POLQ: variants seen among roughly 807,000 people sequenced by gnomAD.
POLQ encodes DNA polymerase theta.
A neutral mutation model predicts 259.2 loss-of-function variants in POLQ; 233 were observed. The observed-to-expected ratio is 0.90, with a 90% CI of 0.81 to 1.00. The LOEUF is 1.00. Ranked by LOEUF, POLQ falls within the 50% of genes least tolerant of loss-of-function variation. POLQ has a pLI of 0.00. For synonymous variants in POLQ, 1,025 were observed against 1,048.8 expected (o/e 0.98, Z 0.44); for missense variants, 2,871 against 3,051.6 (o/e 0.94, Z 1.39).
chr3:121,487,216 A>G (rs570291268), intron 16 of POLQ, 86 bp downstream of exon 16: 2 of 708,514 alleles, frequency 2.8e-6, no homozygotes, highest in South Asian at 4.3e-5. Context: ...ATTATATTTA[A>G]TATCTAACAT....
chr3:121,542,058 C>T (rs1235125669), intron 2 of POLQ, among the ~76,000 whole-genome samples: 2 of 151,566 alleles, frequency 1.3e-5, no homozygotes, highest in South Asian at 2.1e-4. Flanking sequence ...ATTGCTTGAT[C>T]CTGGGAGGCA....
In POLQ at chr3:121,507,125, G is replaced by A. The variant is rs371022064; in HGVS notation, c.1959+2436C>T. Among the ~76,000 whole-genome samples the A allele has an allele frequency of 6.6e-5, 10 of 152,274 alleles. No individual in the cohort carries two copies. In the South Asian group the frequency reaches 1.5e-3, roughly 22 times the overall value. On this transcript the variant is annotated intron_variant, in intron 12 of 29. Coordinates refer to ENST00000264233, the MANE Select transcript of POLQ (RefSeq NM_199420.4). ...AAACAGTCATCTATGAAAGGTAGGT[G>A]GAAAAGGCATGGAAGGGATGGATAT... is the stretch of plus-strand genomic sequence containing the variant.
Position 121,532,978 on chromosome 3 carries a change from A to ATATT in POLQ, c.960+8_960+11dup. ...AGATAAAAATAGTAGTGATGTACATATATTGATTTACCTTCACTTGTAGCA... is the reference window on the plus strand; with the variant it reads ...AGATAAAAATAGTAGTGATGTACATATATTTATTGATTTACCTTCACTTGTAGCA... On this transcript the variant is annotated intron_variant, in intron 6 of 29. Transcript: ENST00000264233. 1 of 1,488,770 alleles carries ATATT rather than the reference A, an allele frequency of 6.7e-7. No homozygotes were observed. The highest frequency in any genetic ancestry group is 9.3e-7 in the Non-Finnish European group (1 of 1,074,778). The allele number at this position is 1,488,770 out of a possible 1,614,324, so 92.2% of individuals were successfully genotyped here. A position where few individuals can be genotyped will look rare whatever the true frequency, so the allele number is the denominator to read the frequency against.
intron 19 of POLQ, among the ~76,000 whole-genome samples, chr3:121,479,349 CAA>C (rs969052572): frequency 6.8e-5 from 6 of 88,870 alleles, no homozygotes; most frequent in African/African-American, 7.9e-5. Context: ...CTCATCTCTA[CAA>C]AAAAAAAAAA....
chr3:121,449,851 G>C (rs1160172946), intron 25 of POLQ, among the ~76,000 whole-genome samples: 2 of 152,024 alleles, frequency 1.3e-5, no homozygotes, highest in African/African-American at 4.8e-5. Context: ...GAAAGAGTAG[G>C]CTTTGTGACT....
At position 121,489,286 on chromosome 3, in the gene POLQ, C is replaced by A. The variant is rs1198230787; in HGVS notation, c.3645G>T (p.Glu1215Asp). The change falls in exon 16 of 30, where the codon GAG becomes GAT. Residue 1215 changes from glutamate to aspartate, a missense_variant. Physicochemically the swap from Glu to Asp is conservative, Grantham distance 45 (BLOSUM62 2). Around this residue, in one of 3 missense-constraint regions of POLQ, gnomAD observed 2,080 missense variants for 2,126.0 expected, o/e 0.98. Transcript: ENST00000264233. ...TGACTGCTTCACAGGGCATTTGTCT[C>A]TCTATTATATTTTTCTGTTTGGTAA... ...STITKQKNII[E>D]RQMPCEAVSS... 5.0e-6 allele frequency: 8 copies of A among 1,613,646 alleles called. No individual in the cohort carries two copies. Among genetic ancestry groups the A allele is most frequent in the Non-Finnish European group, 6.8e-6 (8 of 1,179,858 alleles).
At chr3:121,452,921 A>G (rs1015535979) in intron 25 of POLQ, among the ~76,000 whole-genome samples, 14 of 152,202 alleles carry the variant, frequency 9.2e-5, no homozygotes, top group East Asian at 1.9e-4. Context: ...ATCTGAGAAC[A>G]GGCAGACTGC....
intron 17 of POLQ, among the ~76,000 whole-genome samples, chr3:121,484,334 C>A (rs2047993499): frequency 6.6e-6 from 1 of 152,184 alleles, no homozygotes; most frequent in Non-Finnish European, 1.5e-5. Flanking sequence ...AATTCGACTA[C>A]TATAGATCTC....
intron 7 of POLQ, 107 bp downstream of exon 7, chr3:121,529,538 C>G: frequency 9.9e-7 from 1 of 1,010,938 alleles, no homozygotes; most frequent in South Asian, 1.4e-5. Context: ...AGTGGGCAGG[C>G]AGTGACAATG....
rs1351062477 is a variant in POLQ, at chr3:121,449,377, T to G, written c.7202A>C (p.Gln2401Pro). Residue 2401 changes from glutamine to proline, a missense_variant, in exon 26 of 30, where the codon CAG becomes CCG. Around this residue, in one of 3 missense-constraint regions of POLQ, gnomAD observed 2,080 missense variants for 2,126.0 expected, o/e 0.98. Coordinates refer to ENST00000264233, the MANE Select transcript of POLQ (RefSeq NM_199420.4). ...YGMGAKSLGE[Q>P]MGIKENDAAC... ...AGCATCATTTTCTTTAATGCCCATC[T>G]GCTCTCCCAAAGATTTAGCTCCCAT... 3.1e-6 allele frequency: 5 copies of G among 1,608,318 alleles called. No individual in the cohort carries two copies. In the South Asian group the frequency reaches 5.5e-5, roughly 18 times the overall value.
rs150384780 is a variant in POLQ, at chr3:121,515,489, T to G, written c.1469-3460A>C. On this transcript the variant is annotated intron_variant, in intron 9 of 29. Coordinates refer to ENST00000264233, the MANE Select transcript of POLQ (RefSeq NM_199420.4). ...GGGCCCAGCCAAGAGGCGATTGCAG[T>G]TTCAAACCAGCAACTCTGCCTGACT... Among the ~76,000 whole-genome samples, 1,367 of 152,264 alleles carry G rather than the reference T, an allele frequency of 9.0e-3. 19 individuals carry two copies. The highest frequency in any genetic ancestry group is 0.031 in the African/African-American group (1,295 of 41,546).
intron 22 of POLQ, among the ~76,000 whole-genome samples, chr3:121,469,248 T>C (rs918168265): frequency 3.3e-5 from 5 of 152,116 alleles, no homozygotes; most frequent in Non-Finnish European, 5.9e-5. Context: ...ACATCTTTTG[T>C]TTACTTATTG....
intron 26 of POLQ, 58 bp from the exon 27 acceptor site, chr3:121,440,174 C>A: frequency 7.1e-7 from 1 of 1,410,420 alleles, no homozygotes; most frequent in South Asian, 1.2e-5. Context: ...TCACTTCATT[C>A]ACTGGCTTAA....
At chr3:121,477,319 G>A (rs1345268461) in intron 19 of POLQ, among the ~76,000 whole-genome samples, 1 of 152,156 alleles carries the variant, frequency 6.6e-6, no homozygotes, top group Non-Finnish European at 1.5e-5. Flanking sequence ...ATGGTTCAGT[G>A]TACACAAATT....
At chr3:121,532,853 G>A in intron 6 of POLQ, 137 bp downstream of exon 6, 1 of 621,886 alleles carries the variant, frequency 1.6e-6, no homozygotes, top group Non-Finnish European at 2.8e-6. Context: ...TCTTTAAGAG[G>A]AAACCAGTTA....
At chr3:121,532,658 C>T (rs1156973294) in intron 6 of POLQ, among the ~76,000 whole-genome samples, 4 of 151,982 alleles carry the variant, frequency 2.6e-5, no homozygotes, top group Non-Finnish European at 5.9e-5. Flanking sequence ...CTCAGCCTCC[C>T]GAGTAGCTGG....
At chr3:121,498,202 C>G (rs2048138998) in intron 13 of POLQ, among the ~76,000 whole-genome samples, 1 of 151,780 alleles carries the variant, frequency 6.6e-6, no homozygotes, top group East Asian at 1.9e-4. Context: ...CCCAGCTACT[C>G]AGGAGGCTGA....
At chr3:121,485,863 C>T (rs1383795945) in intron 16 of POLQ, among the ~76,000 whole-genome samples, 1 of 152,208 alleles carries the variant, frequency 6.6e-6, no homozygotes, top group Non-Finnish European at 1.5e-5. Context: ...AACACATCTG[C>T]TTCATGAATT....
chr3:121,432,555 AT>A, intron 29 of POLQ, 138 bp from the exon 30 acceptor site: 1 of 727,504 alleles, frequency 1.4e-6, no homozygotes, highest in Non-Finnish European at 2.1e-6. Flanking sequence ...AAAATAAAAA[AT>A]AAAATAAATA....
Sources: allele counts gnomAD v4.1 joint callset (sites outside exome capture counted in the v4.1 genomes callset), GRCh38; gene constraint gnomAD v4.1.1; regional missense constraint gnomAD v4.1.1; transcripts MANE v1.5; gene names NCBI Gene and HGNC (gene_info 2026-07-23, HGNC 2026-07-21).